Variants in SDK1 observed in about 807,000 individuals in gnomAD.
SDK1 encodes protein sidekick-1.
SDK1 carries 157 observed loss-of-function variants against 245.5 expected under a neutral mutation model. The observed-to-expected ratio is 0.64, with a 90% CI of 0.56 to 0.73. The LOEUF is 0.73. Among genes scored for constraint, SDK1 ranks in the 30% least tolerant of loss-of-function variants. The pLI is 0.00. For synonymous variants in SDK1, 1,647 were observed against 1,278.5 expected (o/e 1.29, Z -6.15); for missense variants, 3,583 against 3,002.3 (o/e 1.19, Z -4.52).
intron 9 of SDK1, among the ~76,000 whole-genome samples, chr7:3,963,751 T>C (rs34923593): frequency 0.012 from 304 of 25,906 alleles, no homozygotes; most frequent in Middle Eastern, 0.071. Flanking sequence ...CCCATGGCTA[T>C]CTGGATGTAA....
At chr7:3,715,470 C>T (rs1785173381) in intron 4 of SDK1, among the ~76,000 whole-genome samples, 1 of 152,160 alleles carries the variant, frequency 6.6e-6, no homozygotes, top group African/African-American at 2.4e-5. Flanking sequence ...CCGAACCAGA[C>T]ACCCCTCACC....
At chr7:3,573,126 G>C (rs895282297) in intron 1 of SDK1, among the ~76,000 whole-genome samples, 6 of 152,104 alleles carry the variant, frequency 3.9e-5, no homozygotes, top group Non-Finnish European at 4.4e-5. Context: ...TCCCAGAGCA[G>C]TGGGGTGCTA....
intron 5 of SDK1, among the ~76,000 whole-genome samples, chr7:3,885,742 G>A (rs535104171): frequency 5.3e-5 from 8 of 152,244 alleles, no homozygotes; most frequent in South Asian, 2.1e-4. Flanking sequence ...CTGTGATGCC[G>A]CCATGCCAAG....
intron 4 of SDK1, among the ~76,000 whole-genome samples, chr7:3,708,052 G>A (rs559522430): frequency 6.6e-6 from 1 of 152,238 alleles, no homozygotes; most frequent in East Asian, 1.9e-4. Flanking sequence ...TGTACAGGAA[G>A]CGTGATGCTG....
chr7:3,638,897 A>G, intron 2 of SDK1, 107 bp from the exon 3 acceptor site: 2 of 556,286 alleles, frequency 3.6e-6, no homozygotes, highest in Middle Eastern at 3.5e-4. Context: ...TGTTGAGCAT[A>G]TACTAGATGA....
intron 17 of SDK1, among the ~76,000 whole-genome samples, chr7:4,046,748 A>C (rs1437803285): frequency 6.6e-6 from 1 of 152,046 alleles, no homozygotes; most frequent in Non-Finnish European, 1.5e-5. Context: ...TGCTTTGGCT[A>C]TTCTAGTTAC....
intron 1 of SDK1, among the ~76,000 whole-genome samples, chr7:3,606,968 C>A (rs907337462): frequency 5.3e-5 from 8 of 152,106 alleles, no homozygotes. Flanking sequence ...AATCAGGACA[C>A]TAATAAAGAA....
chr7:3,838,796 T>G (rs541163586), intron 5 of SDK1, among the ~76,000 whole-genome samples: 1 of 152,232 alleles, frequency 6.6e-6, no homozygotes, highest in South Asian at 2.1e-4. Flanking sequence ...GATCAAAATG[T>G]TTGCACTCTT....
At chr7:3,891,541 T>A (rs1479694645) in intron 5 of SDK1, among the ~76,000 whole-genome samples, 1 of 152,208 alleles carries the variant, frequency 6.6e-6, no homozygotes, top group Non-Finnish European at 1.5e-5. Context: ...TGTTTGTTTT[T>A]AATCTCTTTG....
intron 1 of SDK1, among the ~76,000 whole-genome samples, chr7:3,486,381 C>T (rs1306834264): frequency 6.6e-6 from 1 of 151,908 alleles, no homozygotes; most frequent in Non-Finnish European, 1.5e-5. Context: ...TTCAAATGTG[C>T]TGGTATTTTT....
intron 21 of SDK1, among the ~76,000 whole-genome samples, chr7:4,077,511 G>T (rs535056436): frequency 6.6e-6 from 1 of 152,148 alleles, no homozygotes; most frequent in Non-Finnish European, 1.5e-5. Context: ...AAACAGTAGC[G>T]ATGATTGTAT....
intron 5 of SDK1, among the ~76,000 whole-genome samples, chr7:3,927,283 ATT>A (rs572158113): frequency 6.6e-6 from 1 of 150,920 alleles, no homozygotes; most frequent in Admixed American, 6.6e-5. Context: ...TTGAAATAGA[ATT>A]TTTTTTTTAA....
rs367959970 is a variant in SDK1, at chr7:3,329,676, C to T, written c.298+27792C>T. 5.3e-5 allele frequency among the ~76,000 whole-genome samples: 8 copies of T among 152,302 alleles called. No homozygotes were observed. In the East Asian group the frequency reaches 7.7e-4, roughly 15 times the overall value. ...AACTTGGTGTGCTGTTTTCCACACT[C>T]ATCCATTTTGTGGTATGTATTACTA... On this transcript the variant is annotated intron_variant, in intron 1 of 44. Transcript: ENST00000404826.
chr7:3,695,042 C>T (rs1203797212), intron 4 of SDK1, among the ~76,000 whole-genome samples: 2 of 152,078 alleles, frequency 1.3e-5, no homozygotes, highest in South Asian at 2.1e-4. Context: ...CATTGGGAAA[C>T]ATATTAGAGA....
In SDK1 at chr7:3,768,576, T is replaced by C. The variant is rs181499792; in HGVS notation, c.714-52874T>C. On this transcript the variant is annotated intron_variant, in intron 4 of 44. Coordinates refer to ENST00000404826, the MANE Select transcript of SDK1 (RefSeq NM_152744.4). ...GCATGTGCTTTACATTTGGAATGTCTTAGAATTGCTTCTTGGAAGCTCCAG... is the reference window on the plus strand; with the variant it reads ...GCATGTGCTTTACATTTGGAATGTCCTAGAATTGCTTCTTGGAAGCTCCAG... Among the ~76,000 whole-genome samples the C allele has an allele frequency of 3.0e-4, 46 of 152,322 alleles. 1 individual carries two copies. The highest frequency in any genetic ancestry group is 5.9e-5 in the Non-Finnish European group (4 of 68,036).
At chr7:3,726,839 CTT>C (rs1779023537) in intron 4 of SDK1, among the ~76,000 whole-genome samples, 1 of 152,194 alleles carries the variant, frequency 6.6e-6, no homozygotes, top group Admixed American at 6.5e-5. Flanking sequence ...CAACTCTTCT[CTT>C]TACTCAACCC....
intron 5 of SDK1, among the ~76,000 whole-genome samples, chr7:3,929,510 T>C (rs1467378722): frequency 2.6e-5 from 4 of 152,242 alleles, no homozygotes; most frequent in African/African-American, 9.6e-5. Context: ...CCTGTGTTTC[T>C]TTTCTTTTCC....
chr7:3,509,245 T>C (rs1309421998), intron 1 of SDK1, among the ~76,000 whole-genome samples: 5 of 152,134 alleles, frequency 3.3e-5, no homozygotes, highest in African/African-American at 9.7e-5. Flanking sequence ...TTACAGATGC[T>C]TGGGGAGGGG....
rs1009681699 is a variant in SDK1, at chr7:4,009,888, G to T, written c.2132-1078G>T. 2.6e-5 allele frequency among the ~76,000 whole-genome samples: 4 copies of T among 152,320 alleles called. No homozygotes were observed. In the East Asian group the frequency reaches 7.7e-4, roughly 29 times the overall value. On this transcript the variant is annotated intron_variant, in intron 14 of 44. Transcript: ENST00000404826. ...GAGTGCATTTCCAATGAGCTCGCAG[G>T]CGCAGACTTACGAATCCCCGCGGTT...
Sources: allele counts gnomAD v4.1 joint callset (sites outside exome capture counted in the v4.1 genomes callset), GRCh38; gene constraint gnomAD v4.1.1; transcripts MANE v1.5; gene names NCBI Gene and HGNC (gene_info 2026-07-23, HGNC 2026-07-21).